PTPRC: variants seen among roughly 807,000 people sequenced by gnomAD.
The protein encoded by PTPRC is receptor-type tyrosine-protein phosphatase C.
Under a neutral mutation model 155.9 loss-of-function variants are expected in PTPRC, and 44 were observed. The observed-to-expected ratio is 0.28, with a 90% CI of 0.22 to 0.36. The LOEUF is 0.36. Among genes scored for constraint, PTPRC ranks in the 10% least tolerant of loss-of-function variants. The pLI is 1.00. For synonymous variants in PTPRC, 525 were observed against 533.1 expected, an observed-to-expected ratio of 0.98 and a Z score of 0.21; for missense variants, 1,401 against 1,564.6, an observed-to-expected ratio of 0.90 and a Z score of 1.76.
intron 2 of PTPRC, among the ~76,000 whole-genome samples, chr1:198,658,739 G>A (rs919743063): frequency 6.6e-6 from 1 of 151,886 alleles, no homozygotes; most frequent in Non-Finnish European, 1.5e-5. Flanking sequence ...TTGCACTTCT[G>A]TTCTTATTAT....
Position 198,722,404 on chromosome 1 carries a change from A to G in PTPRC, c.1660-12A>G, listed in dbSNP as rs781177867. The stretch of plus-strand genomic sequence containing the variant: ...CAAACTAATTATTTTATTTTTTGTT[A>G]CTGAAATTCAGGCCTATTTTCACAA... On this transcript the variant is annotated splice_polypyrimidine_tract_variant and intron_variant, in intron 14 of 32. Transcript: ENST00000442510. The G allele has an allele frequency of 5.0e-6, 7 of 1,398,030 alleles. No individual in the cohort carries two copies. Among genetic ancestry groups the G allele is most frequent in the South Asian group, 3.5e-5 (2 of 56,972 alleles). 86.6% of individuals were successfully genotyped at this position (1,398,030 alleles called of 1,614,324 possible). A position where few individuals can be genotyped will look rare whatever the true frequency, so the allele number is the denominator to read the frequency against.
At chr1:198,732,156 A>T in intron 18 of PTPRC, 144 bp from the exon 19 acceptor site, 1 of 704,606 alleles carries the variant, frequency 1.4e-6, no homozygotes, top group South Asian at 1.7e-5. Flanking sequence ...CCTGATCTTA[A>T]TTTTGATTAC....
intron 20 of PTPRC, among the ~76,000 whole-genome samples, 178 bp downstream of exon 20, chr1:198,732,734 T>C (rs1321927066): frequency 6.6e-6 from 1 of 151,900 alleles, no homozygotes; most frequent in African/African-American, 2.4e-5. Flanking sequence ...ACTATTGGTA[T>C]TAGGTATAAC....
At chr1:198,749,616 C>A in intron 28 of PTPRC, 67 bp downstream of exon 28, 2 of 1,483,282 alleles carry the variant, frequency 1.3e-6, no homozygotes, top group East Asian at 4.6e-5. Flanking sequence ...TTATTAGGGC[C>A]ATTCATTAAG....
chr1:198,750,395 T>C (rs1380176623), intron 28 of PTPRC, 97 bp from the exon 29 acceptor site: 1 of 1,268,240 alleles, frequency 7.9e-7, no homozygotes, highest in Non-Finnish European at 1.2e-6. Flanking sequence ...GTAACAGCAT[T>C]GATATCAAAC....
At chr1:198,716,441 C>A (rs1378930587) in intron 12 of PTPRC, among the ~76,000 whole-genome samples, 2 of 152,048 alleles carry the variant, frequency 1.3e-5, no homozygotes, top group African/African-American at 4.8e-5. Context: ...TTTTATGTAC[C>A]AAATTAATGA....
chr1:198,729,027 C>G, intron 16 of PTPRC, 110 bp from the exon 17 acceptor site: 2 of 1,236,966 alleles, frequency 1.6e-6, no homozygotes, highest in Non-Finnish European at 2.2e-6. Flanking sequence ...TTTTCTTATC[C>G]CTGACTTCCT....
intron 20 of PTPRC, 89 bp from the exon 21 acceptor site, chr1:198,734,107 T>C (rs778988969): frequency 1.1e-5 from 14 of 1,246,978 alleles, no homozygotes; most frequent in Non-Finnish European, 1.6e-5. Flanking sequence ...ATGATGGATC[T>C]GAAGCAATTC....
intron 2 of PTPRC, among the ~76,000 whole-genome samples, chr1:198,673,994 TTAG>T (rs1293298132): frequency 6.6e-6 from 1 of 152,242 alleles, no homozygotes; most frequent in Non-Finnish European, 1.5e-5. Context: ...AAGCTTCTTC[TTAG>T]TAGACTTTTG....
At chr1:198,711,341 C>T (rs150905683) in intron 11 of PTPRC, among the ~76,000 whole-genome samples, 2,139 of 152,082 alleles carry the variant, frequency 0.014, 32 homozygotes, top group Non-Finnish European at 0.02. Context: ...AAATAGAAAT[C>T]CCAGAAAACT....
intron 23 of PTPRC, among the ~76,000 whole-genome samples, chr1:198,735,903 T>C (rs1419855600): frequency 6.6e-6 from 1 of 151,626 alleles, no homozygotes; most frequent in Non-Finnish European, 1.5e-5. Flanking sequence ...TTTGTGATGG[T>C]GAAAATGTTC....
intron 2 of PTPRC, among the ~76,000 whole-genome samples, chr1:198,653,923 T>G (rs984984517): frequency 1.3e-5 from 2 of 151,912 alleles, no homozygotes; most frequent in African/African-American, 4.8e-5. Flanking sequence ...TGTTATTCAG[T>G]GCCATAACTT....
At chr1:198,676,582 G>A (rs1022450400) in intron 2 of PTPRC, among the ~76,000 whole-genome samples, 1 of 152,096 alleles carries the variant, frequency 6.6e-6, no homozygotes, top group African/African-American at 2.4e-5. Context: ...CCATTGCCTT[G>A]CATAGAGATA....
At chr1:198,692,088 A>G (rs12125257) in intron 2 of PTPRC, among the ~76,000 whole-genome samples, 1,985 of 152,216 alleles carry the variant, frequency 0.013, 22 homozygotes, top group Non-Finnish European at 0.016. Context: ...TAATCCCAAT[A>G]GTGATCCTTT....
chr1:198,688,533 T>C (rs944728254), intron 2 of PTPRC, among the ~76,000 whole-genome samples: 6 of 152,190 alleles, frequency 3.9e-5, no homozygotes, highest in Non-Finnish European at 5.9e-5. Context: ...GACTTTCCTG[T>C]CAAAATAGTA....
At chr1:198,730,730 C>T (rs1221446901) in intron 17 of PTPRC, among the ~76,000 whole-genome samples, 1 of 152,130 alleles carries the variant, frequency 6.6e-6, no homozygotes, top group East Asian at 1.9e-4. Context: ...ATGTGGCCCT[C>T]AGTTCAGAAT....
chr1:198,720,792 T>A (rs1041540916), intron 14 of PTPRC, among the ~76,000 whole-genome samples: 4 of 152,194 alleles, frequency 2.6e-5, no homozygotes, highest in African/African-American at 4.8e-5. Context: ...CTATATATAT[T>A]TTTTCAAAGA....
chr1:198,713,220 A>C (rs746763928), intron 12 of PTPRC, 148 bp downstream of exon 12: 2 of 1,147,142 alleles, frequency 1.7e-6, no homozygotes, highest in Admixed American at 2.4e-5. Flanking sequence ...AATTGCTTCC[A>C]CTCATTCAAA....
intron 13 of PTPRC, among the ~76,000 whole-genome samples, chr1:198,717,506 T>C (rs942160755): frequency 6.6e-6 from 1 of 152,236 alleles, no homozygotes; most frequent in Non-Finnish European, 1.5e-5. Context: ...TAACGGGCAC[T>C]AGACTTGTGA....
Sources: allele counts gnomAD v4.1 joint callset (sites outside exome capture counted in the v4.1 genomes callset), GRCh38; gene constraint gnomAD v4.1.1; transcripts MANE v1.5; gene names NCBI Gene and HGNC (gene_info 2026-07-23, HGNC 2026-07-21).